Variants in MCU observed in about 807,000 individuals in gnomAD.
The protein encoded by MCU is mitochondrial calcium uniporter.
Under a neutral mutation model 45.2 loss-of-function variants are expected in MCU, and 12 were observed. That is an observed-to-expected ratio of 0.27 (90% CI 0.17 to 0.43). The LOEUF (loss-of-function observed/expected upper bound fraction) is 0.43. MCU is among the 20% of genes least tolerant of loss of function. MCU has a pLI of 1.00. For missense variants in MCU, 324 were observed against 436.7 expected (o/e 0.74, Z 2.30); for synonymous variants, 160 against 165.1 (o/e 0.97, Z 0.24).
chr10:72,727,027 A>T (rs773332159), intron 1 of MCU, among the ~76,000 whole-genome samples: 1 of 152,222 alleles, frequency 6.6e-6, no homozygotes, highest in Non-Finnish European at 1.5e-5. Flanking sequence ...ATTTTAATGT[A>T]TGGCTTTGGG....
At chr10:72,769,709 C>T (rs1589451606) in intron 1 of MCU, among the ~76,000 whole-genome samples, 1 of 152,172 alleles carries the variant, frequency 6.6e-6, no homozygotes, top group Non-Finnish European at 1.5e-5. Flanking sequence ...TTACCACAAT[C>T]AAGTTTAGAA....
chr10:72,871,185 C>T (rs1231635888), intron 5 of MCU, among the ~76,000 whole-genome samples, 192 bp from the exon 6 acceptor site: 1 of 152,172 alleles, frequency 6.6e-6, no homozygotes, highest in Non-Finnish European at 1.5e-5. Context: ...CAGATGTGAG[C>T]CACTGCACCT....
chr10:72,805,588 A>G (rs1469857742), intron 1 of MCU, among the ~76,000 whole-genome samples: 2 of 152,068 alleles, frequency 1.3e-5, no homozygotes, highest in East Asian at 3.9e-4. Flanking sequence ...CCATTTTGAT[A>G]AGGTGTCAAT....
chr10:72,873,100 G>C (rs55982439), intron 6 of MCU, among the ~76,000 whole-genome samples: 5,831 of 137,446 alleles, frequency 0.042, 377 homozygotes, highest in African/African-American at 0.15. Flanking sequence ...CTCACTGCAA[G>C]CTCCGCCTCC....
chr10:72,750,152 A>G (rs1044015215), intron 1 of MCU, among the ~76,000 whole-genome samples: 34 of 152,146 alleles, frequency 2.2e-4, no homozygotes, highest in African/African-American at 8.0e-4. Flanking sequence ...TCATCAGTGT[A>G]AAGTTCCTGA....
At chr10:72,801,353 CTTTTTTT>C (rs200952818) in intron 1 of MCU, among the ~76,000 whole-genome samples, 4 of 100,412 alleles carry the variant, frequency 4.0e-5, no homozygotes, top group Non-Finnish European at 9.0e-5. Context: ...ATAATGCTTT[CTTTTTTT>C]TTTTTTTTTT....
At chr10:72,715,264 T>A in intron 1 of MCU, 2 of 729,588 alleles carry the variant, frequency 2.7e-6, no homozygotes, top group African/African-American at 1.9e-5. Context: ...GGTTTTTGCT[T>A]ACTTTGCAAA....
intron 1 of MCU, among the ~76,000 whole-genome samples, chr10:72,696,185 A>AAAAAAT (rs1564531189): frequency 9.1e-6 from 1 of 109,996 alleles, no homozygotes; most frequent in Non-Finnish European, 1.9e-5. Context: ...AAAAAAAAAA[A>AAAAAAT]TTTTTTTTTT....
chr10:72,711,599 C>T (rs1344825727), intron 1 of MCU, among the ~76,000 whole-genome samples: 1 of 149,760 alleles, frequency 6.7e-6, no homozygotes, highest in African/African-American at 2.5e-5. Context: ...AATACCAGCA[C>T]TTTGGGAGGC....
In MCU at chr10:72,861,728, C is replaced by T. The variant is rs184385695; in HGVS notation, c.496+1201C>T. ...GCCAGAATGGTTTTGAACTCCTGAC[C>T]TCAAGTTATCTACCTGCCTCAGCCT... On this transcript the variant is annotated intron_variant, in intron 4 of 7. Transcript: ENST00000373053. The T allele has an allele frequency of 2.7e-3, 965 of 359,694 alleles. 13 individuals are homozygous for T. Among genetic ancestry groups the T allele is most frequent in the African/African-American group, 0.02 (886 of 43,660 alleles). 22.3% of individuals were successfully genotyped at this position (359,694 alleles called of 1,614,324 possible).
chr10:72,706,525 A>G (rs1375337045), intron 1 of MCU, among the ~76,000 whole-genome samples: 2 of 150,894 alleles, frequency 1.3e-5, no homozygotes, highest in Admixed American at 6.6e-5. Context: ...TTTTTTAGAG[A>G]CATTACAGTA....
At chr10:72,830,097 G>A (rs1047447059) in intron 1 of MCU, among the ~76,000 whole-genome samples, 3 of 152,184 alleles carry the variant, frequency 2.0e-5, no homozygotes, top group African/African-American at 4.8e-5. Flanking sequence ...TTTGTGGGCC[G>A]TGTGGTCTCT....
chr10:72,783,515 A>C (rs918003826), intron 1 of MCU, among the ~76,000 whole-genome samples: 2 of 151,992 alleles, frequency 1.3e-5, no homozygotes, highest in African/African-American at 4.8e-5. Flanking sequence ...TGCATATGCC[A>C]TGTGAATCCT....
intron 1 of MCU, among the ~76,000 whole-genome samples, chr10:72,765,415 A>G (rs1348176673): frequency 6.6e-6 from 1 of 152,004 alleles, no homozygotes; most frequent in Non-Finnish European, 1.5e-5. Context: ...TTCCTAGGTC[A>G]TGTTTTATAT....
chr10:72,727,652 T>C (rs1392219600), intron 1 of MCU, among the ~76,000 whole-genome samples: 2 of 152,192 alleles, frequency 1.3e-5, no homozygotes, highest in African/African-American at 2.4e-5. Context: ...GAGTATGTAT[T>C]TGTGTAGCAG....
At chr10:72,810,076 TA>T (rs1844516184) in intron 1 of MCU, among the ~76,000 whole-genome samples, 1 of 151,986 alleles carries the variant, frequency 6.6e-6, no homozygotes, top group Non-Finnish European at 1.5e-5. Context: ...AGTGTAGAAC[TA>T]GACATGTCTA....
At chr10:72,773,555 T>C (rs943873089) in intron 1 of MCU, among the ~76,000 whole-genome samples, 16 of 152,130 alleles carry the variant, frequency 1.1e-4, no homozygotes, top group African/African-American at 3.6e-4. Context: ...AGAGGAAAGA[T>C]AGAAAGCTTA....
intron 1 of MCU, among the ~76,000 whole-genome samples, chr10:72,800,717 G>T (rs548789329): frequency 9.2e-4 from 140 of 152,232 alleles, no homozygotes; most frequent in Non-Finnish European, 1.6e-3. Flanking sequence ...AGAAATTTTT[G>T]AATTCATTTG....
At chr10:72,837,302 T>C (rs768175385) in intron 2 of MCU, among the ~76,000 whole-genome samples, 48 of 152,220 alleles carry the variant, frequency 3.2e-4, no homozygotes, top group Non-Finnish European at 6.6e-4. Flanking sequence ...TACAATTTTA[T>C]AGTGATACAG....
Sources: allele counts gnomAD v4.1 joint callset (sites outside exome capture counted in the v4.1 genomes callset), GRCh38; gene constraint gnomAD v4.1.1; transcripts MANE v1.5; gene names NCBI Gene and HGNC (gene_info 2026-07-23, HGNC 2026-07-21).